The following PPP2R2B variants were observed in gnomAD, a reference collection of about 807,000 sequenced individuals.
PPP2R2B encodes protein phosphatase 2 regulatory subunit Bbeta.
A neutral mutation model predicts 46.0 loss-of-function variants in PPP2R2B; 5 were observed. That is an observed-to-expected ratio of 0.11 (90% CI 0.06 to 0.23). The LOEUF is 0.23. PPP2R2B is among the 10% of genes least tolerant of loss of function. PPP2R2B has a pLI of 1.00. For synonymous variants in PPP2R2B, 215 were observed against 206.7 expected (o/e 1.04, Z -0.34); for missense variants, 367 against 575.0 (o/e 0.64, Z 3.70).
intron 6 of PPP2R2B, among the ~76,000 whole-genome samples, chr5:146,639,532 G>A (rs1435848155): frequency 6.6e-6 from 1 of 152,150 alleles, no homozygotes; most frequent in Non-Finnish European, 1.5e-5. Flanking sequence ...CAGAGCTTGG[G>A]GGATCAGGAC....
intron 1 of PPP2R2B, among the ~76,000 whole-genome samples, chr5:146,991,547 A>C (rs893284099): frequency 6.6e-6 from 1 of 152,218 alleles, no homozygotes; most frequent in South Asian, 2.1e-4. Flanking sequence ...AATGTAGTGT[A>C]TATTTCAAGA....
intron 6 of PPP2R2B, among the ~76,000 whole-genome samples, chr5:146,646,109 T>C (rs1278307606): frequency 3.3e-5 from 5 of 152,242 alleles, no homozygotes; most frequent in Admixed American, 6.5e-5. Flanking sequence ...TTTGTAATTA[T>C]ATACTCAGTG....
chr5:146,829,877 T>A (rs1758819903), intron 2 of PPP2R2B, among the ~76,000 whole-genome samples: 1 of 152,192 alleles, frequency 6.6e-6, no homozygotes, highest in Admixed American at 6.5e-5. Flanking sequence ...GTAGTTTAGG[T>A]TCTAGAGTCA....
rs1353091766 is a variant in PPP2R2B at position 146,825,835 on chromosome 5, T to C, written c.70+52167A>G. On this transcript the variant is annotated intron_variant, in intron 2 of 9. Coordinates refer to ENST00000394411, the MANE Select transcript of PPP2R2B (RefSeq NM_181675.4). ...GACATGCTATGAAAGCAAGCATTTA[T>C]CATGCCACTTTTTTTGTTGTTGGTA... is the stretch of plus-strand genomic sequence containing the variant. Among the ~76,000 whole-genome samples the C allele has an allele frequency of 2.6e-5, 4 of 152,336 alleles. 1 individual carries two copies. In the Middle Eastern group the frequency reaches 0.014, roughly 518 times the overall value.
intron 1 of PPP2R2B, among the ~76,000 whole-genome samples, chr5:147,034,260 C>T (rs937156414): frequency 6.6e-6 from 1 of 152,174 alleles, no homozygotes; most frequent in Admixed American, 6.5e-5. Flanking sequence ...TCCTGGACCA[C>T]CATATTTAAT....
At chr5:146,944,369 G>C (rs887709820) in intron 1 of PPP2R2B, among the ~76,000 whole-genome samples, 4 of 152,116 alleles carry the variant, frequency 2.6e-5, no homozygotes, top group Admixed American at 6.6e-5. Flanking sequence ...GAAAGAAAAG[G>C]TAGATCCCAC....
chr5:146,824,726 CA>C (rs1758464842), intron 2 of PPP2R2B, among the ~76,000 whole-genome samples: 1 of 149,904 alleles, frequency 6.7e-6, no homozygotes, highest in African/African-American at 2.5e-5. Context: ...GAGAAAAATG[CA>C]AGAATCAATA....
chr5:146,875,495 A>G (rs1452501425), intron 2 of PPP2R2B, among the ~76,000 whole-genome samples: 1 of 152,174 alleles, frequency 6.6e-6, no homozygotes, highest in African/African-American at 2.4e-5. Flanking sequence ...ACCACTTACA[A>G]TGCAAATTGA....
At chr5:146,983,594 CAG>C (rs1753288577) in intron 1 of PPP2R2B, among the ~76,000 whole-genome samples, 1 of 152,180 alleles carries the variant, frequency 6.6e-6, no homozygotes, top group South Asian at 2.1e-4. Context: ...TAGTAAACTA[CAG>C]AAATCTTACC....
chr5:146,918,223 G>A (rs1248679757), intron 1 of PPP2R2B, among the ~76,000 whole-genome samples: 1 of 152,176 alleles, frequency 6.6e-6, no homozygotes, highest in African/African-American at 2.4e-5. Context: ...GAAACAGGAG[G>A]AAGAATATAT....
chr5:146,951,559 G>T (rs1363383455), intron 1 of PPP2R2B, among the ~76,000 whole-genome samples: 3 of 151,912 alleles, frequency 2.0e-5, no homozygotes, highest in African/African-American at 7.3e-5. Flanking sequence ...TTCTCCCTGA[G>T]TTCATGTGTT....
At chr5:146,719,974 C>T (rs1216395873) in intron 2 of PPP2R2B, among the ~76,000 whole-genome samples, 1 of 152,112 alleles carries the variant, frequency 6.6e-6, no homozygotes, top group Middle Eastern at 3.2e-3. Flanking sequence ...TACTGCACCT[C>T]CTAACATTTC....
chr5:146,951,381 T>C (rs541259574), intron 1 of PPP2R2B, among the ~76,000 whole-genome samples: 1 of 152,014 alleles, frequency 6.6e-6, no homozygotes, highest in African/African-American at 2.4e-5. Context: ...CCAGTGTATA[T>C]GTGCAGGATG....
Position 146,655,650 on chromosome 5 carries a change from G to A in PPP2R2B, c.448-4926C>T, listed in dbSNP as rs559585953. ...GAGGCAGGGCGAGTACTCAGGCCTG[G>A]CACTCCTGCCACTCCTTGACTCAGG... is the stretch of plus-strand genomic sequence containing the variant. On this transcript the variant is annotated intron_variant, in intron 5 of 9. Transcript: ENST00000394411. Among the ~76,000 whole-genome samples the A allele has an allele frequency of 6.6e-5, 10 of 152,266 alleles. 1 individual carries two copies. In the South Asian group the frequency reaches 1.9e-3, roughly 28 times the overall value.
At chr5:146,957,765 T>C (rs1436885079) in intron 1 of PPP2R2B, among the ~76,000 whole-genome samples, 5 of 152,172 alleles carry the variant, frequency 3.3e-5, no homozygotes, top group African/African-American at 1.2e-4. Flanking sequence ...CTTGAATAAA[T>C]GGTCTCAGTT....
chr5:146,698,321 T>A (rs59451702), intron 3 of PPP2R2B, among the ~76,000 whole-genome samples, 177 bp from the exon 4 acceptor site: 8,884 of 66,182 alleles, frequency 0.13, 699 homozygotes, highest in African/African-American at 0.2. Flanking sequence ...AAAAAAAATA[T>A]ATATATATAT....
At chr5:146,791,787 A>G (rs1756216621) in intron 2 of PPP2R2B, among the ~76,000 whole-genome samples, 1 of 152,146 alleles carries the variant, frequency 6.6e-6, no homozygotes, top group Non-Finnish European at 1.5e-5. Flanking sequence ...TATTTATTAT[A>G]CCAGACCACT....
chr5:146,864,923 A>C (rs1170524880), intron 2 of PPP2R2B, among the ~76,000 whole-genome samples: 7 of 152,176 alleles, frequency 4.6e-5, no homozygotes, highest in Non-Finnish European at 1.0e-4. Flanking sequence ...AGTAATTACA[A>C]AGGTATTCCT....
intron 2 of PPP2R2B, among the ~76,000 whole-genome samples, chr5:146,874,899 T>C (rs1582329839): frequency 6.6e-6 from 1 of 152,306 alleles, no homozygotes; most frequent in Admixed American, 6.5e-5. Flanking sequence ...CCTTCCTCTA[T>C]ATAACCCCAT....
Sources: gnomAD v4.1 joint callset for allele counts (sites outside exome capture counted in the v4.1 genomes callset) on GRCh38, gnomAD v4.1.1 for gene constraint, MANE v1.5 for transcripts, NCBI Gene and HGNC (gene_info 2026-07-23, HGNC 2026-07-21) for gene names.